SEMA6A: variants seen among roughly 807,000 people sequenced by gnomAD.
The protein encoded by SEMA6A is semaphorin 6A, also known as semaphorin-6A.
SEMA6A carries 25 observed loss-of-function variants against 96.8 expected under a neutral mutation model. That is an observed-to-expected ratio of 0.26 (90% CI 0.19 to 0.36). SEMA6A has a LOEUF of 0.36. Among genes scored for constraint, SEMA6A ranks in the 10% least tolerant of loss-of-function variants. The pLI is 1.00. For synonymous variants in SEMA6A, 612 were observed against 518.0 expected (o/e 1.18, Z -2.46); for missense variants, 1,363 against 1,323.1 (o/e 1.03, Z -0.47).
intron 18 of SEMA6A, among the ~76,000 whole-genome samples, chr5:116,458,108 A>AT (rs1386264033): frequency 1.2e-4 from 19 of 152,282 alleles, no homozygotes; most frequent in Non-Finnish European, 1.5e-5. Flanking sequence ...TTTAAAAAAA[A>AT]CTTGGTGAAA....
At chr5:116,456,488 T>C (rs75114028) in intron 18 of SEMA6A, among the ~76,000 whole-genome samples, 1,672 of 152,312 alleles carry the variant, frequency 0.011, 64 homozygotes, top group Admixed American at 0.063. Context: ...TAACAAACAC[T>C]TTCCCTTAGT....
At chr5:116,494,850 C>A (rs1438273909) in intron 6 of SEMA6A, among the ~76,000 whole-genome samples, 1 of 152,222 alleles carries the variant, frequency 6.6e-6, no homozygotes, top group Non-Finnish European at 1.5e-5. Context: ...TCATCAGCAC[C>A]TCTGTTAGCT....
At chr5:116,494,306 T>C (rs1357213958) in intron 6 of SEMA6A, among the ~76,000 whole-genome samples, 1 of 152,232 alleles carries the variant, frequency 6.6e-6, no homozygotes, top group Non-Finnish European at 1.5e-5. Flanking sequence ...TTCATTTGGC[T>C]AACTTCTCCT....
chr5:116,513,125 TATC>T (rs1348402334), intron 1 of SEMA6A, among the ~76,000 whole-genome samples: 4 of 151,722 alleles, frequency 2.6e-5, no homozygotes, highest in African/African-American at 7.3e-5. Context: ...TAAAGGCAGC[TATC>T]TTTTTTTTTT....
intron 11 of SEMA6A, 70 bp from the exon 12 acceptor site, chr5:116,480,347 C>T: frequency 1.3e-6 from 2 of 1,572,570 alleles, no homozygotes. Flanking sequence ...TTTGAATGAA[C>T]TGCTTCTCTA....
chr5:116,561,035 C>T (rs954405870), intron 1 of SEMA6A, among the ~76,000 whole-genome samples: 1 of 152,054 alleles, frequency 6.6e-6, no homozygotes, highest in Non-Finnish European at 1.5e-5. Flanking sequence ...TGGAGGAGCA[C>T]AAAACTCAGA....
At chr5:116,521,991 A>G (rs1306313179) in intron 1 of SEMA6A, among the ~76,000 whole-genome samples, 2 of 152,212 alleles carry the variant, frequency 1.3e-5, no homozygotes, top group Non-Finnish European at 2.9e-5. Flanking sequence ...TGATCCAAAT[A>G]GCTTTGGGTA....
chr5:116,467,906 GGT>G, intron 17 of SEMA6A, 159 bp from the exon 18 acceptor site: 2 of 688,388 alleles, frequency 2.9e-6, no homozygotes, highest in Admixed American at 2.7e-5. Flanking sequence ...TGGTGGTGGT[GGT>G]GGTGGTGTGG....
intron 1 of SEMA6A, among the ~76,000 whole-genome samples, chr5:116,536,866 TAAAA>T (rs72214884): frequency 0.014 from 974 of 69,472 alleles, 19 homozygotes; most frequent in African/African-American, 0.044. Context: ...TGTGATTTCT[TAAAA>T]AAAAAAAAAA....
chr5:116,513,142 C>T (rs1203757793), intron 1 of SEMA6A, among the ~76,000 whole-genome samples: 1 of 151,206 alleles, frequency 6.6e-6, no homozygotes, highest in Non-Finnish European at 1.5e-5. Flanking sequence ...TTTTTTTTCC[C>T]CCGCGACGGA....
intron 1 of SEMA6A, among the ~76,000 whole-genome samples, chr5:116,563,771 T>C (rs559404367): frequency 3.8e-4 from 58 of 152,362 alleles, no homozygotes; most frequent in African/African-American, 1.0e-3. Context: ...CTCCATTCCA[T>C]GTCTTTTGTT....
intron 16 of SEMA6A, 81 bp from the exon 17 acceptor site, chr5:116,473,174 A>G: frequency 7.3e-7 from 1 of 1,373,552 alleles, no homozygotes; most frequent in Non-Finnish European, 1.0e-6. Context: ...GAATGAGCTA[A>G]CACAGAACTA....
intron 3 of SEMA6A, among the ~76,000 whole-genome samples, chr5:116,497,633 C>T (rs976286112): frequency 1.3e-5 from 2 of 152,232 alleles, no homozygotes; most frequent in African/African-American, 4.8e-5. Flanking sequence ...TAGCTCTTCT[C>T]TCTGACACTA....
At chr5:116,557,418 C>T (rs1760650666) in intron 1 of SEMA6A, among the ~76,000 whole-genome samples, 1 of 152,140 alleles carries the variant, frequency 6.6e-6, no homozygotes, top group Non-Finnish European at 1.5e-5. Context: ...TGCCATGTTG[C>T]CCAGGCTTGT....
rs537690837 is a variant in SEMA6A, at chr5:116,482,557, G to T, written c.981C>A (p.Val327=). 9.9e-6 allele frequency: 16 copies of T among 1,613,628 alleles called. No individual in the cohort carries two copies. In the South Asian group the frequency reaches 1.6e-4, roughly 17 times the overall value. The change falls in exon 11 of 19, where the codon GTC becomes GTA. Residue 327 remains valine (V), a synonymous_variant. Coordinates refer to ENST00000343348, the MANE Select transcript of SEMA6A (RefSeq NM_020796.5). ...CAATGTCAAGCATGTCATAGGCACAGACTGCAGACCCAGGGATGCTACAAC... is the reference window on the plus strand; with the variant it reads ...CAATGTCAAGCATGTCATAGGCACATACTGCAGACCCAGGGATGCTACAAC... ...TPYNSIPGSA[V]CAYDMLDIAS...
intron 10 of SEMA6A, among the ~76,000 whole-genome samples, chr5:116,485,654 T>A (rs943525644): frequency 6.6e-6 from 1 of 152,238 alleles, no homozygotes; most frequent in Non-Finnish European, 1.5e-5. Flanking sequence ...CCTTTAGTTT[T>A]ATCATTTTGG....
chr5:116,467,639 G>A lies in SEMA6A; in HGVS notation c.1838C>T (p.Pro613Leu). ...TGCCCCCAAAGGGTCTGTGCTGTCA[G>A]GTGAGTCAAGCAGATGCTTCCAGTC... is the stretch of plus-strand genomic sequence containing the variant. ...MLDWKHLLDS[P>L]DSTDPLGAVS... Residue 613 changes from proline (P) to leucine (L), a missense_variant, in exon 18 of 19, where the codon CCT becomes CTT. Pro to Leu is a moderately conservative substitution (Grantham distance 98). Transcript: ENST00000343348. The A allele has an allele frequency of 6.2e-7, 1 of 1,613,654 alleles. No homozygotes were observed. Among genetic ancestry groups the A allele is most frequent in the South Asian group, 1.1e-5 (1 of 91,042 alleles).
chr5:116,573,393 G>A (rs901441641), intron 1 of SEMA6A, among the ~76,000 whole-genome samples: 1 of 150,540 alleles, frequency 6.6e-6, no homozygotes, highest in Non-Finnish European at 1.5e-5. Flanking sequence ...GGTGCTTCAG[G>A]AGGGACGCAG....
chr5:116,489,526 A>G (rs1413400965), intron 7 of SEMA6A, among the ~76,000 whole-genome samples: 3 of 152,244 alleles, frequency 2.0e-5, no homozygotes, highest in African/African-American at 7.2e-5. Flanking sequence ...CTAAATTGCT[A>G]CTGTCCTGAG....
Sources: allele counts gnomAD v4.1 joint callset (sites outside exome capture counted in the v4.1 genomes callset), GRCh38; gene constraint gnomAD v4.1.1; transcripts MANE v1.5; gene names NCBI Gene and HGNC (gene_info 2026-07-23, HGNC 2026-07-21).